SENP6: variants seen among roughly 807,000 people sequenced by gnomAD.
SENP6 encodes sentrin-specific protease 6.
A neutral mutation model predicts 134.5 loss-of-function variants in SENP6; 41 were observed. The ratio of observed to expected loss-of-function variants is 0.30; its 90% CI spans 0.24 to 0.40. The LOEUF is 0.40. Among genes scored for constraint, SENP6 ranks in the 10% least tolerant of loss-of-function variants. The pLI, the probability that SENP6 is intolerant of heterozygous loss-of-function variation, is 1.00. For missense variants in SENP6, 1,248 were observed against 1,312.5 expected (o/e 0.95, Z 0.76); for synonymous variants, 395 against 429.8 (o/e 0.92, Z 1.00).
chr6:75,690,840 C>T (rs778999293), intron 16 of SENP6, among the ~76,000 whole-genome samples: 16 of 150,802 alleles, frequency 1.1e-4, no homozygotes, highest in Non-Finnish European at 2.2e-4. Context: ...GGACTACAGG[C>T]GCTCACCACC....
chr6:75,690,563 T>G (rs1047938765), intron 16 of SENP6, among the ~76,000 whole-genome samples: 2 of 152,062 alleles, frequency 1.3e-5, no homozygotes, highest in African/African-American at 2.4e-5. Context: ...TTAATAGACA[T>G]ATGTTCAGTT....
rs949027333 is a variant in SENP6, at chr6:75,658,634, C to A, written c.551-628C>A. Among the ~76,000 whole-genome samples, 21 of 151,966 alleles carry A rather than the reference C, an allele frequency of 1.4e-4. No individual in the cohort carries two copies. In the East Asian group the frequency reaches 3.3e-3, roughly 24 times the overall value. ...TACATAAAAAATATCGAGAAAAATTCTCTTGCGTGTTCCAAAGTTAGAAAA... is the reference window on the plus strand; with the variant it reads ...TACATAAAAAATATCGAGAAAAATTATCTTGCGTGTTCCAAAGTTAGAAAA... On this transcript the variant is annotated intron_variant, in intron 7 of 23. Coordinates refer to ENST00000447266, the MANE Select transcript of SENP6 (RefSeq NM_015571.4).
intron 18 of SENP6, 131 bp from the exon 19 acceptor site, chr6:75,702,514 G>A (rs1360946936): frequency 1.1e-5 from 10 of 881,980 alleles, no homozygotes; most frequent in East Asian, 2.8e-5. Context: ...TACTGCGCCC[G>A]GCCAGAATTA....
rs138807701 is a variant in SENP6, at chr6:75,657,482, A to G, written c.551-1780A>G. Among the ~76,000 whole-genome samples, 100 of 152,292 alleles carry G rather than the reference A, an allele frequency of 6.6e-4. 1 individual carries two copies. In the East Asian group the frequency reaches 0.018, roughly 28 times the overall value. The stretch of plus-strand genomic sequence containing the variant: ...ATTGTTCTATATCTGTGTATGAATC[A>G]TTATCTCTGTGTCACAAAGGTAATG... On this transcript the variant is annotated intron_variant, in intron 7 of 23. Coordinates refer to ENST00000447266, the MANE Select transcript of SENP6 (RefSeq NM_015571.4).
intron 16 of SENP6, chr6:75,679,507 G>A: frequency 6.6e-6 from 1 of 152,374 alleles, no homozygotes. Flanking sequence ...TTATGGTCTT[G>A]TAGGAAGCAC....
chr6:75,658,624 G>A (rs1251547510), intron 7 of SENP6, among the ~76,000 whole-genome samples: 5 of 151,782 alleles, frequency 3.3e-5, no homozygotes, highest in Admixed American at 6.6e-5. Flanking sequence ...AAAAAATATC[G>A]AGAAAAATTC....
chr6:75,655,315 A>G (rs186992501), intron 7 of SENP6: 11 of 152,392 alleles, frequency 7.2e-5, no homozygotes, highest in Admixed American at 7.2e-4. Context: ...TTTGAAATAA[A>G]ATTTACTACA....
intron 6 of SENP6, chr6:75,643,970 A>G (rs757636396): frequency 6.6e-6 from 1 of 152,160 alleles, no homozygotes; most frequent in Non-Finnish European, 1.5e-5. Flanking sequence ...TGGTTTCTAA[A>G]TACCACTCTC....
chr6:75,604,012 T>G (rs1266114865), intron 1 of SENP6, among the ~76,000 whole-genome samples: 2 of 152,162 alleles, frequency 1.3e-5, no homozygotes, highest in Admixed American at 1.3e-4. Flanking sequence ...CTATGTGTGT[T>G]GTTTTTGTTT....
intron 6 of SENP6, among the ~76,000 whole-genome samples, chr6:75,644,370 AAG>A (rs2149846306): frequency 6.6e-6 from 1 of 152,254 alleles, no homozygotes; most frequent in South Asian, 2.1e-4. Flanking sequence ...TGAAAAACAC[AAG>A]AGAGGAGACT....
chr6:75,609,589 A>G (rs1767288987), intron 1 of SENP6, among the ~76,000 whole-genome samples: 1 of 152,170 alleles, frequency 6.6e-6, no homozygotes, highest in Non-Finnish European at 1.5e-5. Context: ...CATTCTTTCA[A>G]CAGTCAAAGT....
In SENP6 at chr6:75,677,249, T is replaced by C. The variant is rs779123970; in HGVS notation, c.1841T>C (p.Ile614Thr). The change falls in exon 14 of 24, where the codon ATT becomes ACT. Residue 614 changes from isoleucine to threonine, a missense_variant. By Grantham distance (89) the Ile-to-Thr change is moderately conservative. This residue lies in a region of SENP6 where 733 missense variants were observed against 725.4 expected (regional missense o/e 1.01). Transcript: ENST00000447266. ...AGTTGTGGGCAAAAGGAAAACAAAATTAAAACTGTAATTATGTTTTTTAAT... is the reference window on the plus strand; with the variant it reads ...AGTTGTGGGCAAAAGGAAAACAAAACTAAAACTGTAATTATGTTTTTTAAT... ...KGSCGQKENKIKTVSFESKIQ... is the reference protein window; with the variant it reads ...KGSCGQKENKTKTVSFESKIQ... 14 of 1,569,534 alleles carry C rather than the reference T, an allele frequency of 8.9e-6. No homozygotes were observed. Among genetic ancestry groups the C allele is most frequent in the East Asian group, 4.5e-5 (2 of 44,300 alleles).
intron 21 of SENP6, among the ~76,000 whole-genome samples, chr6:75,712,107 A>G (rs1775783840): frequency 6.6e-6 from 1 of 151,856 alleles, no homozygotes; most frequent in Admixed American, 6.6e-5. Flanking sequence ...CTGTGGAGTA[A>G]CCCAAGGCAG....
chr6:75,674,267 C>T (rs1772916702), intron 11 of SENP6, among the ~76,000 whole-genome samples: 1 of 151,500 alleles, frequency 6.6e-6, no homozygotes, highest in East Asian at 1.9e-4. Context: ...AGCAATCCTT[C>T]CACCTCAGGC....
chr6:75,621,219 A>G (rs1189634945), intron 1 of SENP6, among the ~76,000 whole-genome samples: 2 of 152,224 alleles, frequency 1.3e-5, no homozygotes, highest in Non-Finnish European at 2.9e-5. Context: ...AGAATCAGTG[A>G]TCAAAGATGA....
chr6:75,644,975 A>G (rs1379083215), intron 6 of SENP6, among the ~76,000 whole-genome samples: 2 of 152,216 alleles, frequency 1.3e-5, no homozygotes, highest in African/African-American at 4.8e-5. Flanking sequence ...ATAGACTTTC[A>G]CCACTGAGGC....
intron 11 of SENP6, among the ~76,000 whole-genome samples, chr6:75,674,932 A>G (rs527528864): frequency 6.6e-6 from 1 of 152,280 alleles, no homozygotes; most frequent in East Asian, 1.9e-4. Context: ...TTTTTAATAC[A>G]TTTCAAAATA....
At chr6:75,617,267 T>C (rs796568701) in intron 1 of SENP6, among the ~76,000 whole-genome samples, 8 of 116,744 alleles carry the variant, frequency 6.9e-5, no homozygotes, top group African/African-American at 2.3e-4. Flanking sequence ...TTCTTTCTTT[T>C]TTTTTTTTTT....
chr6:75,706,864 T>C (rs1288721321), intron 19 of SENP6, among the ~76,000 whole-genome samples: 1 of 152,244 alleles, frequency 6.6e-6, no homozygotes, highest in Non-Finnish European at 1.5e-5. Context: ...GTGGAATCAC[T>C]ACTTTCACTT....
Sources: gnomAD v4.1 joint callset for allele counts (sites outside exome capture counted in the v4.1 genomes callset) on GRCh38, gnomAD v4.1.1 for gene constraint, gnomAD v4.1.1 regional missense constraint, MANE v1.5 for transcripts, NCBI Gene and HGNC (gene_info 2026-07-23, HGNC 2026-07-21) for gene names.